The following FNDC9 variants were observed in gnomAD, a reference collection of about 807,000 sequenced individuals.
FNDC9 encodes the protein fibronectin type III domain-containing protein 9.
FNDC9 carries 3 observed loss-of-function variants against 9.0 expected under a neutral mutation model. The observed-to-expected ratio is 0.33, with a 90% CI of 0.15 to 0.86. The LOEUF (loss-of-function observed/expected upper bound fraction) is 0.86, where lower values mean the gene tolerates loss of function less well. FNDC9 is among the 40% of genes least tolerant of loss of function. The probability of loss-of-function intolerance (pLI) is 0.53; values close to 1 mark genes in which losing one functional copy is unlikely to be tolerated. For missense variants in FNDC9, 279 were observed against 287.2 expected, an observed-to-expected ratio of 0.97 and a Z score of 0.21; for synonymous variants, 114 against 115.6, an observed-to-expected ratio of 0.99 and a Z score of 0.09.
At chr5:157,344,908 A>G (rs1449197113) in intron 1 of FNDC9, among the ~76,000 whole-genome samples, 1 of 152,242 alleles carries the variant, frequency 6.6e-6, no homozygotes. Context: ...GTGGAGCTGC[A>G]GAAAGGTGCA....
intron 1 of FNDC9, 191 bp downstream of exon 1, chr5:157,345,350 C>T (rs1189062570): frequency 3.3e-5 from 5 of 152,618 alleles, no homozygotes; most frequent in Non-Finnish European, 5.9e-5. Flanking sequence ...TTTTTAAGAG[C>T]TTTCTGTCAA....
In FNDC9 at chr5:157,342,665, G is replaced by A; in HGVS notation, c.*197C>T. On this transcript the variant is annotated 3_prime_UTR_variant, in exon 2 of 2. Transcript: ENST00000312349. ...ACGCTGCTGCTGAGATGCCTCGTTT[G>A]TGCCTTGGCATACCCTGGGGGATAC... The A allele has an allele frequency of 1.9e-6, 1 of 530,892 alleles. No homozygotes were observed. Among genetic ancestry groups the A allele is most frequent in the Non-Finnish European group, 3.3e-6 (1 of 304,978 alleles). The allele number at this position is 530,892 out of a possible 1,614,324, so 32.9% of individuals were successfully genotyped here. A position where few individuals can be genotyped will look rare whatever the true frequency, so the allele number is the denominator to read the frequency against.
At position 157,342,322 on chromosome 5, in the gene FNDC9, A is replaced by G. The variant is rs911073924; in HGVS notation, c.*540T>C. The G allele has an allele frequency of 2.0e-5, 3 of 152,736 alleles. No homozygotes were observed. The highest frequency in any genetic ancestry group is 7.2e-5 in the African/African-American group (3 of 41,458). The allele number at this position is 152,736 out of a possible 1,614,324, so 9.5% of individuals were successfully genotyped here. A position where few individuals can be genotyped will look rare whatever the true frequency, so the allele number is the denominator to read the frequency against. ...AGTATTATTAATAATAGTGAAGATAATCCATGGTTTTAAAAAATAGAGAGC... is the reference window on the plus strand; with the variant it reads ...AGTATTATTAATAATAGTGAAGATAGTCCATGGTTTTAAAAAATAGAGAGC... On this transcript the variant is annotated 3_prime_UTR_variant, in exon 2 of 2. Transcript: ENST00000312349.
rs1434834390 is a variant in FNDC9 at position 157,343,290 on chromosome 5, A to G, written c.247T>C (p.Phe83Leu). The G allele has an allele frequency of 5.0e-6, 8 of 1,614,092 alleles. No individual in the cohort carries two copies. Residue 83 changes from phenylalanine to leucine, a missense_variant, in exon 2 of 2, where the codon TTC (phenylalanine) becomes CTC (leucine). Phe to Leu is a conservative substitution (Grantham distance 22, BLOSUM62 0). Transcript: ENST00000312349. ...FLCISCKKAA[F>L]PYRHYCTMFH... ...ATGGTGCAGTAGTGCCTGTAAGGGA[A>G]GGCAGCCTTCTTACAGCTGATGCAC...
At position 157,342,974 on chromosome 5, in the gene FNDC9, G is replaced by T; in HGVS notation, c.563C>A (p.Ser188Tyr). 1 of 1,614,214 alleles carries T rather than the reference G, an allele frequency of 6.2e-7. No homozygotes were observed. Among genetic ancestry groups the T allele is most frequent in the Admixed American group, 1.7e-5 (1 of 60,032 alleles). Reference protein sequence around the residue: ...LPLVEMPRKNSRDGAELDPEA... With the variant: ...LPLVEMPRKNYRDGAELDPEA... ...GGGATCCAGTTCAGCTCCATCTCTG[G>T]AGTTCTTGCGTGGCATTTCCACCAG... The change falls in exon 2 of 2, where the codon TCC becomes TAC. Residue 188 changes from serine to tyrosine, a missense_variant. Ser to Tyr is a moderately radical substitution (Grantham distance 144). Coordinates refer to ENST00000312349, the MANE Select transcript of FNDC9 (RefSeq NM_001001343.4).
Position 157,342,574 on chromosome 5 carries a change from A to G in FNDC9, c.*288T>C. On this transcript the variant is annotated 3_prime_UTR_variant, in exon 2 of 2. Transcript: ENST00000312349. Reference sequence around the variant, plus strand: ...TGCAAATTTTTGCTTTCTACTTTATAACATATCCATGTTTGTTTTAATGTT... The same window carrying G: ...TGCAAATTTTTGCTTTCTACTTTATGACATATCCATGTTTGTTTTAATGTT... 3.1e-6 allele frequency: 1 copy of G among 327,304 alleles called. No individual in the cohort carries two copies. The highest frequency in any genetic ancestry group is 9.9e-5 in the South Asian group (1 of 10,078). The allele number at this position is 327,304 out of a possible 1,614,324, so 20.3% of individuals were successfully genotyped here. A position where few individuals can be genotyped will look rare whatever the true frequency, so the allele number is the denominator to read the frequency against.
rs1762390606 is a variant in FNDC9 at position 157,342,976 on chromosome 5, G to A, written c.561C>T (p.Asn187=). 1.2e-6 allele frequency: 2 copies of A among 1,614,264 alleles called. No homozygotes were observed. Among genetic ancestry groups the A allele is most frequent in the Non-Finnish European group, 1.7e-6 (2 of 1,180,046 alleles). The stretch of plus-strand genomic sequence containing the variant: ...GATCCAGTTCAGCTCCATCTCTGGA[G>A]TTCTTGCGTGGCATTTCCACCAGGG... ...GLPLVEMPRK[N]SRDGAELDPE... Residue 187 remains asparagine (N), a synonymous_variant, in exon 2 of 2, where the codon AAC becomes AAT. Coordinates refer to ENST00000312349, the MANE Select transcript of FNDC9 (RefSeq NM_001001343.4).
At chr5:157,344,397 A>G (rs1463868570) in intron 1 of FNDC9, among the ~76,000 whole-genome samples, 3 of 152,108 alleles carry the variant, frequency 2.0e-5, no homozygotes, top group African/African-American at 7.2e-5. Context: ...ACCTGATGTC[A>G]CACCGCTAAT....
Position 157,343,127 on chromosome 5 carries a change from C to T in FNDC9, c.410G>A (p.Cys137Tyr). The T allele has an allele frequency of 6.2e-7, 1 of 1,614,218 alleles. No individual in the cohort carries two copies. The highest frequency in any genetic ancestry group is 8.5e-7 in the Non-Finnish European group (1 of 1,180,030). ...VLAFICLQFW[C>Y]VRCHEPRWSY... is the part of the protein sequence containing the mutation. ...CCATCGCGGCTCATGGCAACGGACA[C>T]ACCAGAACTGGAGGCAGATGAAGGC... is the stretch of plus-strand genomic sequence containing the variant. Residue 137 changes from cysteine (C) to tyrosine (Y), a missense_variant, in exon 2 of 2, where the codon TGT becomes TAT. By Grantham distance (194) the Cys-to-Tyr change is radical. Coordinates refer to ENST00000312349, the MANE Select transcript of FNDC9 (RefSeq NM_001001343.4).
rs753550804 is a variant in FNDC9, at chr5:157,343,130, C to G, written c.407G>C (p.Trp136Ser). 1 of 1,614,186 alleles carries G rather than the reference C, an allele frequency of 6.2e-7. No individual in the cohort carries two copies. Among genetic ancestry groups the G allele is most frequent in the Non-Finnish European group, 8.5e-7 (1 of 1,180,020 alleles). The part of the protein sequence containing the change: ...AVLAFICLQF[W>S]CVRCHEPRWS... The stretch of plus-strand genomic sequence containing the variant: ...TCGCGGCTCATGGCAACGGACACAC[C>G]AGAACTGGAGGCAGATGAAGGCCAA... Residue 136 changes from tryptophan to serine, a missense_variant, in exon 2 of 2, where the codon TGG becomes TCG. By Grantham distance (177) the Trp-to-Ser change is radical. Coordinates refer to ENST00000312349, the MANE Select transcript of FNDC9 (RefSeq NM_001001343.4).
Position 157,343,384 on chromosome 5 carries a change from C to T in FNDC9, c.153G>A (p.Glu51=). The change falls in exon 2 of 2, where the codon GAG becomes GAA. Residue 51 remains glutamate, a synonymous_variant. Coordinates refer to ENST00000312349, the MANE Select transcript of FNDC9 (RefSeq NM_001001343.4). ...AGCTGATCGTTCGAGGCACCTTCTC[C>T]TCGTGGTGGAAGCTGTAGCGAAGAT... ...SGYLRYSFHH[E]EKVPRTISSV... 6.2e-7 allele frequency: 1 copy of T among 1,614,170 alleles called. No homozygotes were observed. Among genetic ancestry groups the T allele is most frequent in the Non-Finnish European group, 8.5e-7 (1 of 1,180,018 alleles).
At chr5:157,345,408 T>C (rs1762606197) in intron 1 of FNDC9, 133 bp downstream of exon 1, 1 of 152,632 alleles carries the variant, frequency 6.6e-6, no homozygotes, top group South Asian at 2.1e-4. Flanking sequence ...GTCTCCCTTA[T>C]TGATTTTTCT....
chr5:157,342,863 C>G lies in FNDC9; in HGVS notation c.674G>C (p.Ter225SerextTer12), dbSNP rs995325867. The G allele has an allele frequency of 1.2e-6, 2 of 1,608,990 alleles. No individual in the cohort carries two copies. Among genetic ancestry groups the G allele is most frequent in the Non-Finnish European group, 1.7e-6 (2 of 1,177,140 alleles). ...ATGCGGGCGCTCTCCTCCCCACTCT[C>G]ATTCCCCACAATGAGGCAGTATAGC... ...PPAILPHCGE[*>S] The change falls in exon 2 of 2, where the codon TGA (stop) becomes TCA (serine). Residue 225 changes from the stop codon to serine, a stop_lost. Transcript: ENST00000312349.
At position 157,342,893 on chromosome 5, in the gene FNDC9, GGGTCA is replaced by G. The variant is rs1178690438; in HGVS notation, c.639_643del (p.Asp214ThrfsTer28). 7 of 1,613,836 alleles carry G rather than the reference GGGTCA, an allele frequency of 4.3e-6. No homozygotes were observed. Among genetic ancestry groups the G allele is most frequent in the Non-Finnish European group, 5.1e-6 (6 of 1,179,852 alleles). ...CCCACAATGAGGCAGTATAGCGGGT[GGGTCA>G]CCACCCCCCCTCTGTAAGGCACCCG... On this transcript the variant is annotated frameshift_variant, in exon 2 of 2. Coordinates refer to ENST00000312349, the MANE Select transcript of FNDC9 (RefSeq NM_001001343.4). LOFTEE classifies it high-confidence loss of function.
rs1762546190 is a variant in FNDC9, at chr5:157,344,620, TCC to T, written c.-8+919_-8+920del. Among the ~76,000 whole-genome samples the T allele has an allele frequency of 2.0e-5, 3 of 152,260 alleles. No individual in the cohort carries two copies. The South Asian group carries it at 6.2e-4, about 32-fold the overall frequency. On this transcript the variant is annotated intron_variant, in intron 1 of 1. Transcript: ENST00000312349. ...AGTATTTTAGTTTCTCTCATGCAGT[TCC>T]CTCTACTGATTGCCCCTGATCAGAA...
rs777090263 is a variant in FNDC9, at chr5:157,343,039, CG to C, written c.497del (p.Pro166ArgfsTer70). The C allele has an allele frequency of 3.7e-5, 60 of 1,614,072 alleles. No homozygotes were observed. The highest frequency in any genetic ancestry group is 5.1e-5 in the Non-Finnish European group (60 of 1,180,030). On this transcript the variant is annotated frameshift_variant, in exon 2 of 2. Coordinates refer to ENST00000312349, the MANE Select transcript of FNDC9 (RefSeq NM_001001343.4). LOFTEE classifies it low-confidence loss of function (END_TRUNC). The stretch of plus-strand genomic sequence containing the variant: ...GGTCTTCCTCCCTCTGACCAAGATC[CG>C]GGGCCTCCTCTGGCCATCTCACCAA... ...NGLVRWPEEAPDLGQREEDLQ... is the reference protein window; with the variant it reads ...NGLVRWPEEAXDLGQREEDLQ...
chr5:157,342,857 C>T lies in FNDC9; in HGVS notation c.*5G>A. The T allele has an allele frequency of 6.2e-7, 1 of 1,606,446 alleles. No individual in the cohort carries two copies. The highest frequency in any genetic ancestry group is 8.5e-7 in the Non-Finnish European group (1 of 1,175,662). ...TACATGATGCGGGCGCTCTCCTCCC[C>T]ACTCTCATTCCCCACAATGAGGCAG... On this transcript the variant is annotated 3_prime_UTR_variant, in exon 2 of 2. Coordinates refer to ENST00000312349, the MANE Select transcript of FNDC9 (RefSeq NM_001001343.4).
At position 157,342,996 on chromosome 5, in the gene FNDC9, C is replaced by G; in HGVS notation, c.541G>C (p.Val181Leu). Residue 181 changes from valine (V) to leucine (L), a missense_variant, in exon 2 of 2, where the codon GTG (valine) becomes CTG (leucine). By Grantham distance (32) the Val-to-Leu change is conservative. Coordinates refer to ENST00000312349, the MANE Select transcript of FNDC9 (RefSeq NM_001001343.4). The part of the protein sequence containing the change: ...REEDLQGLPL[V>L]EMPRKNSRDG... Reference sequence around the variant, plus strand: ...CTGGAGTTCTTGCGTGGCATTTCCACCAGGGGGAGCCCCTGCAGGTCTTCC... The same window carrying G: ...CTGGAGTTCTTGCGTGGCATTTCCAGCAGGGGGAGCCCCTGCAGGTCTTCC... 6.2e-7 allele frequency: 1 copy of G among 1,614,224 alleles called. No homozygotes were observed. The highest frequency in any genetic ancestry group is 8.5e-7 in the Non-Finnish European group (1 of 1,180,038).
intron 1 of FNDC9, 29 bp from the exon 2 acceptor site, chr5:157,343,572 C>T: frequency 6.7e-7 from 1 of 1,492,330 alleles, no homozygotes; most frequent in Middle Eastern, 1.8e-4. Flanking sequence ...TGAAGAGTGA[C>T]ATCCCCTGAT....
Sources: allele counts gnomAD v4.1 joint callset (sites outside exome capture counted in the v4.1 genomes callset), GRCh38; gene constraint gnomAD v4.1.1; transcripts MANE v1.5; gene names NCBI Gene and HGNC (gene_info 2026-07-23, HGNC 2026-07-21).